The following CLSTN2 variants were observed in gnomAD, a reference collection of about 807,000 sequenced individuals.
CLSTN2 encodes the protein calsyntenin 2, also known as calsyntenin-2.
In CLSTN2, 48 loss-of-function variants were observed where a neutral mutation model predicts 101.2. That is an observed-to-expected ratio of 0.47 (90% confidence interval 0.38 to 0.60). CLSTN2 has a LOEUF of 0.60. Ranked by LOEUF, CLSTN2 falls within the 20% of genes least tolerant of loss-of-function variation. CLSTN2 has a pLI of 0.00. For missense variants in CLSTN2, 1,160 were observed against 1,238.2 expected (o/e 0.94, Z 0.95); for synonymous variants, 481 against 463.6 (o/e 1.04, Z -0.48).
intron 1 of CLSTN2, among the ~76,000 whole-genome samples, chr3:139,991,077 G>A (rs1936106346): frequency 6.6e-6 from 1 of 152,158 alleles, no homozygotes; most frequent in Non-Finnish European, 1.5e-5. Context: ...AAAGTATCAT[G>A]CAAATGATGA....
chr3:140,234,289 T>TGCTGCTGCCGCA (rs1310155192), intron 2 of CLSTN2, among the ~76,000 whole-genome samples: 3 of 152,250 alleles, frequency 2.0e-5, no homozygotes, highest in Non-Finnish European at 4.4e-5. Context: ...CAAGTGATGC[T>TGCTGCTGCCGCA]GCTGCTGCCG....
chr3:140,072,197 T>TA (rs11381119), intron 1 of CLSTN2, among the ~76,000 whole-genome samples: 140,826 of 151,860 alleles, frequency 0.93, 65,529 homozygotes, highest in East Asian at 1. Flanking sequence ...TTATATTTCT[T>TA]AAAAAAAACA....
chr3:140,203,245 A>C (rs546077218), intron 2 of CLSTN2, among the ~76,000 whole-genome samples: 164 of 152,320 alleles, frequency 1.1e-3, no homozygotes, highest in Admixed American at 2.7e-3. Context: ...GGATCATTGC[A>C]TGTAGCAACC....
chr3:140,540,906 A>AACTC (rs1181843950), intron 9 of CLSTN2, among the ~76,000 whole-genome samples: 1 of 152,170 alleles, frequency 6.6e-6, no homozygotes, highest in African/African-American at 2.4e-5. Context: ...TCCTGATGCA[A>AACTC]ACTCCGACTC....
intron 1 of CLSTN2, among the ~76,000 whole-genome samples, chr3:140,128,495 C>A (rs2009471258): frequency 6.6e-6 from 1 of 152,124 alleles, no homozygotes; most frequent in African/African-American, 2.4e-5. Flanking sequence ...TTATAAACTA[C>A]AAGGGGTAGT....
chr3:140,375,896 A>G (rs1028143058), intron 2 of CLSTN2, among the ~76,000 whole-genome samples: 1 of 152,226 alleles, frequency 6.6e-6, no homozygotes, highest in Non-Finnish European at 1.5e-5. Context: ...TTTTAGAAAC[A>G]TCTTGGATGC....
intron 1 of CLSTN2, among the ~76,000 whole-genome samples, chr3:140,014,407 C>T (rs1350475655): frequency 7.9e-5 from 12 of 151,974 alleles, no homozygotes; most frequent in African/African-American, 2.7e-4. Context: ...TTAGTAGAGA[C>T]GGAGTTTCAC....
intron 2 of CLSTN2, among the ~76,000 whole-genome samples, chr3:140,202,649 T>C (rs886841958): frequency 6.6e-6 from 1 of 152,124 alleles, no homozygotes; most frequent in Non-Finnish European, 1.5e-5. Flanking sequence ...TTTAGGACAA[T>C]TGGTAAACAG....
intron 2 of CLSTN2, among the ~76,000 whole-genome samples, chr3:140,264,757 A>C (rs1417578829): frequency 2.0e-5 from 3 of 152,084 alleles, no homozygotes; most frequent in Non-Finnish European, 4.4e-5. Context: ...CAGAGTGAGA[A>C]TTGCTCAGGG....
intron 2 of CLSTN2, among the ~76,000 whole-genome samples, chr3:140,274,404 T>C (rs2086774849): frequency 6.6e-6 from 1 of 152,218 alleles, no homozygotes; most frequent in Non-Finnish European, 1.5e-5. Flanking sequence ...ACTCTGTCCA[T>C]TCAGCTAATC....
chr3:140,226,390 G>A (rs1297110994), intron 2 of CLSTN2, among the ~76,000 whole-genome samples: 1 of 152,086 alleles, frequency 6.6e-6, no homozygotes, highest in East Asian at 1.9e-4. Flanking sequence ...AGACACATAG[G>A]ATTTCTCTGT....
At chr3:140,121,526 C>A (rs1469464701) in intron 1 of CLSTN2, among the ~76,000 whole-genome samples, 1 of 152,130 alleles carries the variant, frequency 6.6e-6, no homozygotes, top group Non-Finnish European at 1.5e-5. Flanking sequence ...TCCCTCTAGG[C>A]AGAACTCCTT....
chr3:140,123,673 C>G (rs1414637807), intron 1 of CLSTN2, among the ~76,000 whole-genome samples: 1 of 152,014 alleles, frequency 6.6e-6, no homozygotes, highest in Non-Finnish European at 1.5e-5. Flanking sequence ...GGCTGAAAGT[C>G]CAAGATCAAG....
At chr3:140,283,634 G>A (rs1010981783) in intron 2 of CLSTN2, among the ~76,000 whole-genome samples, 9 of 152,096 alleles carry the variant, frequency 5.9e-5, no homozygotes, top group Non-Finnish European at 8.8e-5. Context: ...CAGGTCTCAG[G>A]GTCTTGGCTA....
chr3:140,460,693 C>A (rs1378556746), intron 7 of CLSTN2, among the ~76,000 whole-genome samples: 3 of 152,084 alleles, frequency 2.0e-5, no homozygotes, highest in Non-Finnish European at 2.9e-5. Context: ...GTCACTACAC[C>A]CACCCATCTG....
At chr3:140,043,649 T>C (rs2007806598) in intron 1 of CLSTN2, among the ~76,000 whole-genome samples, 1 of 152,230 alleles carries the variant, frequency 6.6e-6, no homozygotes, top group Admixed American at 6.5e-5. Context: ...AGGGTTTTTA[T>C]GGTTTTAGGT....
chr3:140,350,510 A>G (rs1320929336), intron 2 of CLSTN2, among the ~76,000 whole-genome samples: 1 of 152,192 alleles, frequency 6.6e-6, no homozygotes, highest in African/African-American at 2.4e-5. Context: ...CTCCAAAGTA[A>G]AACACTGAAG....
At chr3:140,266,790 G>A (rs2086696855) in intron 2 of CLSTN2, among the ~76,000 whole-genome samples, 1 of 152,182 alleles carries the variant, frequency 6.6e-6, no homozygotes, top group Non-Finnish European at 1.5e-5. Context: ...AGAGACCCAA[G>A]CCGTGGGTCC....
At chr3:140,504,182 T>C (rs2107763851) in intron 8 of CLSTN2, among the ~76,000 whole-genome samples, 1 of 152,288 alleles carries the variant, frequency 6.6e-6, no homozygotes, top group East Asian at 1.9e-4. Context: ...GCCTGATACA[T>C]GGCAGGCTCC....
Sources: allele counts gnomAD v4.1 joint callset (sites outside exome capture counted in the v4.1 genomes callset), GRCh38; gene constraint gnomAD v4.1.1; transcripts MANE v1.5; gene names NCBI Gene and HGNC (gene_info 2026-07-23, HGNC 2026-07-21).